The following ZNF37A variants were observed in gnomAD, a reference collection of about 807,000 sequenced individuals.
ZNF37A encodes the protein zinc finger protein 37a (KOX 21).
In ZNF37A, 10 loss-of-function variants were observed where a neutral mutation model predicts 12.3. The observed-to-expected ratio is 0.82, with a 90% CI of 0.50 to 1.38. ZNF37A has a LOEUF of 1.38. Ranked by LOEUF, ZNF37A falls within the 40% of genes most tolerant of loss-of-function variation. ZNF37A has a pLI of 0.00. For missense variants in ZNF37A, 580 were observed against 651.2 expected (o/e 0.89, Z 1.19); for synonymous variants, 207 against 223.0 (o/e 0.93, Z 0.64).
chr10:38,100,380 G>A (rs1352415192), intron 5 of ZNF37A, among the ~76,000 whole-genome samples: 1 of 152,104 alleles, frequency 6.6e-6, no homozygotes, highest in Non-Finnish European at 1.5e-5. Flanking sequence ...AATAAGCCTG[G>A]GAGAACTATG....
intron 4 of ZNF37A, 27 bp from the exon 5 acceptor site, chr10:38,096,547 C>T (rs377363326): frequency 9.8e-6 from 15 of 1,530,638 alleles, no homozygotes; most frequent in Non-Finnish European, 1.2e-5. Flanking sequence ...CAAGTGACAT[C>T]ACTCATGATC....
At chr10:38,131,145 A>G (rs2070021249) in intron 7 of ZNF37A, among the ~76,000 whole-genome samples, 1 of 152,100 alleles carries the variant, frequency 6.6e-6, no homozygotes. Context: ...ATTTTATCAT[A>G]TTCAGTAGGT....
rs2069543283 is a variant in ZNF37A at position 38,119,252 on chromosome 10, A to T, written c.*415A>T. On this transcript the variant is annotated 3_prime_UTR_variant, in exon 8 of 8. Transcript: ENST00000685332. ...TGTAATGAATGTGGGAAAACCTTTC[A>T]TCAGAAGTCAGCTCTAATTGTTCAC... 9.6e-7 allele frequency: 1 copy of T among 1,045,956 alleles called. No homozygotes were observed. Among genetic ancestry groups the T allele is most frequent in the South Asian group, 3.9e-5 (1 of 25,790 alleles). 64.8% of individuals were successfully genotyped at this position (1,045,956 alleles called of 1,614,324 possible).
rs921054513 is a variant in ZNF37A at position 38,119,618 on chromosome 10, A to G, written c.*781A>G. 1 of 169,364 alleles carries G rather than the reference A, an allele frequency of 5.9e-6. No individual in the cohort carries two copies. The highest frequency in any genetic ancestry group is 1.2e-5 in the Non-Finnish European group (1 of 83,750). The allele number at this position is 169,364 out of a possible 1,614,324, so 10.5% of individuals were successfully genotyped here. Reference sequence around the variant, plus strand: ...AGAAATAGCATTTTACTTTGTTAATATCTAGTTTAGTTCATTGTCAAGACT... The same window carrying G: ...AGAAATAGCATTTTACTTTGTTAATGTCTAGTTTAGTTCATTGTCAAGACT... On this transcript the variant is annotated 3_prime_UTR_variant, in exon 8 of 8. Coordinates refer to ENST00000685332, the MANE Select transcript of ZNF37A (RefSeq NM_001324250.3).
intron 5 of ZNF37A, among the ~76,000 whole-genome samples, chr10:38,104,064 T>C (rs182855679): frequency 6.6e-6 from 1 of 152,362 alleles, no homozygotes; most frequent in East Asian, 1.9e-4. Flanking sequence ...CTCAATTCCC[T>C]GCTTTATGCA....
Position 38,117,882 on chromosome 10 carries a change from A to G in ZNF37A, c.731A>G (p.Glu244Gly). 6.2e-7 allele frequency: 1 copy of G among 1,614,030 alleles called. No individual in the cohort carries two copies. The highest frequency in any genetic ancestry group is 8.5e-7 in the Non-Finnish European group (1 of 1,179,994). ...QRTHSINNII[E>G]YNECGTFFSE... is the part of the protein sequence containing the mutation. Reference sequence around the variant, plus strand: ...ACCCACTCAATTAACAATATTATTGAATATAATGAGTGTGGAACATTTTTC... The same window carrying G: ...ACCCACTCAATTAACAATATTATTGGATATAATGAGTGTGGAACATTTTTC... The change falls in exon 8 of 8, where the codon GAA becomes GGA. Residue 244 changes from glutamate to glycine, a missense_variant. Glu to Gly is a moderately conservative substitution (Grantham distance 98). Transcript: ENST00000685332.
At chr10:38,131,296 C>G (rs1047908913) in intron 7 of ZNF37A, among the ~76,000 whole-genome samples, 6 of 152,082 alleles carry the variant, frequency 3.9e-5, no homozygotes, top group African/African-American at 7.2e-5. Context: ...GGATTTTCTC[C>G]AGTGCTTTCT....
Position 38,105,224 on chromosome 10 carries a change from C to T in ZNF37A, c.15+8592C>T, listed in dbSNP as rs559992690. On this transcript the variant is annotated intron_variant, in intron 5 of 7. Coordinates refer to ENST00000685332, the MANE Select transcript of ZNF37A (RefSeq NM_001324250.3). ...TTCTCCATGTTGGTCAGGCTGGTCT[C>T]GAACTCCCGACCTCAGGTGATCTGC... is the stretch of plus-strand genomic sequence containing the variant. Among the ~76,000 whole-genome samples, 9 of 152,110 alleles carry T rather than the reference C, an allele frequency of 5.9e-5. No homozygotes were observed. In the South Asian group the frequency reaches 1.2e-3, roughly 21 times the overall value.
downstream of ZNF37A, among the ~76,000 whole-genome samples, chr10:38,129,304 TAAAAAAAAA>T (rs775705417): frequency 1.8e-5 from 1 of 56,900 alleles, no homozygotes; most frequent in African/African-American, 7.6e-5. Flanking sequence ...AGACTCTGTC[TAAAAAAAAA>T]AAAAAAAAAC....
At chr10:38,107,056 A>T (rs1036862323) in intron 5 of ZNF37A, among the ~76,000 whole-genome samples, 3 of 152,166 alleles carry the variant, frequency 2.0e-5, no homozygotes, top group African/African-American at 7.2e-5. Context: ...TAATCATCAG[A>T]TTCAGCAAGG....
chr10:38,112,218 A>T (rs1286996723), intron 5 of ZNF37A, among the ~76,000 whole-genome samples: 1 of 151,676 alleles, frequency 6.6e-6, no homozygotes, highest in Non-Finnish European at 1.5e-5. Context: ...CTTTTTAAGC[A>T]CTTAGCCTGG....
rs1302613027 is a variant in ZNF37A at position 38,121,393 on chromosome 10, T to C, written c.*2556T>C. On this transcript the variant is annotated 3_prime_UTR_variant, in exon 8 of 8. Transcript: ENST00000685332. ...ATCAGTGTGGACTTCCATTCCTCTTTCTTTTGATTCCCCCCTTTGACTTTT... is the reference window on the plus strand; with the variant it reads ...ATCAGTGTGGACTTCCATTCCTCTTCCTTTTGATTCCCCCCTTTGACTTTT... The C allele has an allele frequency of 6.6e-6, 1 of 152,230 alleles. No homozygotes were observed. Among genetic ancestry groups the C allele is most frequent in the Non-Finnish European group, 1.5e-5 (1 of 68,042 alleles). 9.4% of individuals were successfully genotyped at this position (152,230 alleles called of 1,614,324 possible).
At chr10:38,142,341 TCTA>T (rs1375277885) in intron 7 of ZNF37A, 2 of 152,152 alleles carry the variant, frequency 1.3e-5, no homozygotes, top group African/African-American at 4.8e-5. Context: ...TAAACAAGCT[TCTA>T]CTGCTCTGAT....
At chr10:38,128,476 G>T (rs1021460771), downstream of ZNF37A, among the ~76,000 whole-genome samples, 1 of 152,042 alleles carries the variant, frequency 6.6e-6, no homozygotes, top group African/African-American at 2.4e-5. Flanking sequence ...GAGTGATTGA[G>T]AATATTATAC....
At position 38,099,440 on chromosome 10, in the gene ZNF37A, T is replaced by G. The variant is rs537989375; in HGVS notation, c.15+2808T>G. Among the ~76,000 whole-genome samples, 8 of 152,324 alleles carry G rather than the reference T, an allele frequency of 5.3e-5. No homozygotes were observed. The South Asian group carries it at 1.7e-3, about 32-fold the overall frequency. On this transcript the variant is annotated intron_variant, in intron 5 of 7. Transcript: ENST00000685332. ...TAATGTCCTCAAGCTTCCTCAGTGT[T>G]GTAGCATGTGTCAGAATTTATCTCC...
At chr10:38,094,597 C>T (rs2504144) in intron 1 of ZNF37A, 107 bp downstream of exon 1, 105,743 of 152,386 alleles carry the variant, frequency 0.69, 38,266 homozygotes, top group African/African-American at 0.91. Context: ...AATCCTGCCT[C>T]GGTTCTTGTG....
rs746083677 is a variant in ZNF37A at position 38,118,281 on chromosome 10, A to G, written c.1130A>G (p.His377Arg). The change falls in exon 8 of 8, where the codon CAC becomes CGC. Residue 377 changes from histidine to arginine, a missense_variant. His to Arg is a conservative substitution (Grantham distance 29, BLOSUM62 0). Coordinates refer to ENST00000685332, the MANE Select transcript of ZNF37A (RefSeq NM_001324250.3). ...KSVLTVHQKT[H>R]TGEKPYECYA... ...GTCCTTACTGTGCATCAGAAAACAC[A>G]CACAGGGGAGAAGCCCTATGAATGC... 1 of 1,613,896 alleles carries G rather than the reference A, an allele frequency of 6.2e-7. No individual in the cohort carries two copies. Among genetic ancestry groups the G allele is most frequent in the East Asian group, 2.2e-5 (1 of 44,882 alleles).
rs35151327 is a variant in ZNF37A at position 38,101,349 on chromosome 10, A to AT, written c.15+4732dup. On this transcript the variant is annotated intron_variant, in intron 5 of 7. Coordinates refer to ENST00000685332, the MANE Select transcript of ZNF37A (RefSeq NM_001324250.3). ...TAGGTGTTTGATTCATTTTGAGTTA[A>AT]TTTTTTTTTTTTTTTAGTTTTGTTT... 5.8e-3 allele frequency among the ~76,000 whole-genome samples: 844 copies of AT among 145,058 alleles called. 15 individuals are homozygous for AT. In the South Asian group the frequency reaches 0.072, roughly 12 times the overall value.
At chr10:38,098,836 T>C (rs1475645280) in intron 5 of ZNF37A, among the ~76,000 whole-genome samples, 5 of 152,160 alleles carry the variant, frequency 3.3e-5, no homozygotes, top group African/African-American at 1.2e-4. Flanking sequence ...CTAAAATTTT[T>C]TTGTTTAAAT....
Sources: gnomAD v4.1 joint callset for allele counts (sites outside exome capture counted in the v4.1 genomes callset) on GRCh38, gnomAD v4.1.1 for gene constraint, MANE v1.5 for transcripts, NCBI Gene and HGNC (gene_info 2026-07-23, HGNC 2026-07-21) for gene names.